The following MECOM variants were observed in gnomAD, a reference collection of about 807,000 sequenced individuals.
MECOM encodes MDS1 and EVI1 complex locus.
A neutral mutation model predicts 116.3 loss-of-function variants in MECOM; 13 were observed. The observed-to-expected ratio is 0.11, with a 90% CI of 0.07 to 0.18. The LOEUF (loss-of-function observed/expected upper bound fraction) is 0.18, where lower values mean the gene tolerates loss of function less well. MECOM is among the 10% of genes least tolerant of loss of function. MECOM has a pLI of 1.00. For synonymous variants in MECOM, 528 were observed against 535.2 expected, an observed-to-expected ratio of 0.99 and a Z score of 0.19; for missense variants, 1,299 against 1,509.0, an observed-to-expected ratio of 0.86 and a Z score of 2.31.
intron 1 of MECOM, among the ~76,000 whole-genome samples, chr3:169,552,611 G>T (rs1302908124): frequency 1.3e-5 from 2 of 152,072 alleles, no homozygotes; most frequent in African/African-American, 4.8e-5. Context: ...GTGGAGCCAG[G>T]ATCCAAGCCG....
At chr3:169,177,832 T>C (rs6777733) in intron 2 of MECOM, among the ~76,000 whole-genome samples, 14,962 of 151,350 alleles carry the variant, frequency 0.099, 805 homozygotes, top group South Asian at 0.22. Flanking sequence ...GCAGGAGAAT[T>C]GCTTGAACCC....
chr3:169,370,319 C>T (rs535843836), intron 2 of MECOM, among the ~76,000 whole-genome samples: 6 of 151,784 alleles, frequency 4.0e-5, no homozygotes, highest in East Asian at 1.9e-4. Context: ...GAATATCTAA[C>T]GCCAAAAAAT....
At chr3:169,642,737 TAA>T (rs72138096) in intron 1 of MECOM, among the ~76,000 whole-genome samples, 1 of 136,330 alleles carries the variant, frequency 7.3e-6, no homozygotes, top group African/African-American at 2.7e-5. Flanking sequence ...AAAGGTTAAT[TAA>T]AAAAAAAAAA....
intron 2 of MECOM, among the ~76,000 whole-genome samples, chr3:169,351,139 T>C (rs1161025546): frequency 6.6e-6 from 1 of 151,810 alleles, no homozygotes; most frequent in Non-Finnish European, 1.5e-5. Flanking sequence ...AAAAACACAT[T>C]AATGAAAAGA....
chr3:169,651,097 G>A (rs1308085289), intron 1 of MECOM, among the ~76,000 whole-genome samples: 1 of 152,170 alleles, frequency 6.6e-6, no homozygotes, highest in African/African-American at 2.4e-5. Context: ...TTTGCAGACG[G>A]AATGCTTTCA....
intron 2 of MECOM, chr3:169,145,097 C>T: frequency 6.9e-7 from 1 of 1,459,132 alleles, no homozygotes; most frequent in Non-Finnish European, 9.2e-7. Context: ...TAAGTCGTCC[C>T]AAAATTTAAA....
At chr3:169,350,867 C>T (rs937238173) in intron 2 of MECOM, among the ~76,000 whole-genome samples, 3 of 151,390 alleles carry the variant, frequency 2.0e-5, no homozygotes, top group Non-Finnish European at 3.0e-5. Context: ...CATAATAAAA[C>T]AAAAATCTCT....
chr3:169,323,619 T>A (rs1721291188), intron 2 of MECOM, among the ~76,000 whole-genome samples: 1 of 152,300 alleles, frequency 6.6e-6, no homozygotes, highest in Non-Finnish European at 1.5e-5. Context: ...GTTTACCAAA[T>A]GTGACCACAG....
intron 1 of MECOM, among the ~76,000 whole-genome samples, chr3:169,622,239 G>A (rs997607459): frequency 3.3e-5 from 5 of 151,968 alleles, no homozygotes; most frequent in African/African-American, 7.3e-5. Flanking sequence ...ACAGGCACCC[G>A]CCACCATGCC....
chr3:169,656,211 A>G (rs1248121605), intron 1 of MECOM, among the ~76,000 whole-genome samples: 1 of 152,150 alleles, frequency 6.6e-6, no homozygotes, highest in Non-Finnish European at 1.5e-5. Flanking sequence ...ATATACAACT[A>G]ATTCATTTAG....
chr3:169,231,263 A>G (rs1753360867), intron 2 of MECOM, among the ~76,000 whole-genome samples: 1 of 152,130 alleles, frequency 6.6e-6, no homozygotes, highest in Non-Finnish European at 1.5e-5. Context: ...TTTTTCATTC[A>G]TGCATTCATT....
chr3:169,145,050 T>C (rs943630335), intron 2 of MECOM: 6 of 1,542,504 alleles, frequency 3.9e-6, no homozygotes, highest in African/African-American at 2.8e-5. Context: ...AGAAGCCCTA[T>C]GAATAAGCCT....
At chr3:169,103,253 G>A (rs1196577019) in intron 10 of MECOM, among the ~76,000 whole-genome samples, 2 of 151,858 alleles carry the variant, frequency 1.3e-5, no homozygotes, top group East Asian at 1.9e-4. Context: ...ATAGGCATAA[G>A]CTACTGTGCC....
At chr3:169,351,366 A>G (rs62293349) in intron 2 of MECOM, among the ~76,000 whole-genome samples, 6,534 of 151,918 alleles carry the variant, frequency 0.043, 164 homozygotes, top group Non-Finnish European at 0.059. Context: ...TATTTTAGTC[A>G]ATAATTGCAA....
At chr3:169,453,515 A>G (rs1024448555) in intron 1 of MECOM, among the ~76,000 whole-genome samples, 1 of 152,160 alleles carries the variant, frequency 6.6e-6, no homozygotes, top group Non-Finnish European at 1.5e-5. Flanking sequence ...TTTTTCTTTC[A>G]GAAAACTGCT....
intron 8 of MECOM, 100 bp downstream of exon 8, chr3:169,115,283 A>G: frequency 1.6e-6 from 2 of 1,241,702 alleles, no homozygotes; most frequent in Non-Finnish European, 2.2e-6. Context: ...CTGTTTTATA[A>G]TAATAGTAAA....
chr3:169,350,401 C>T (rs1726118297), intron 2 of MECOM, among the ~76,000 whole-genome samples: 1 of 151,872 alleles, frequency 6.6e-6, no homozygotes, highest in South Asian at 2.1e-4. Flanking sequence ...GCTTTCAGTG[C>T]TTCCTTCTCT....
At chr3:169,418,978 T>C (rs1739235688) in intron 1 of MECOM, among the ~76,000 whole-genome samples, 1 of 152,198 alleles carries the variant, frequency 6.6e-6, no homozygotes, top group African/African-American at 2.4e-5. Flanking sequence ...GATGACATGA[T>C]TGTATATTTA....
rs10575336 is a variant in MECOM at position 169,524,039 on chromosome 3, AATATATAT to A, written c.37+139289_37+139296del. On this transcript the variant is annotated intron_variant, in intron 1 of 16. Coordinates refer to ENST00000651503, the MANE Select transcript of MECOM (RefSeq NM_004991.4). ...ACACATACATGTATGTATATGAATA[AATATATAT>A]ATATATATATATATATATTTGCTGT... Among the ~76,000 whole-genome samples, 273 of 138,244 alleles carry A rather than the reference AATATATAT, an allele frequency of 2.0e-3. 1 individual carries two copies. The highest frequency in any genetic ancestry group is 0.015 in the Middle Eastern group (4 of 262). The allele number at this position is 138,244 out of a possible 152,430, so 90.7% of individuals were successfully genotyped here.
Sources: allele counts gnomAD v4.1 joint callset (sites outside exome capture counted in the v4.1 genomes callset), GRCh38; gene constraint gnomAD v4.1.1; transcripts MANE v1.5; gene names NCBI Gene and HGNC (gene_info 2026-07-23, HGNC 2026-07-21).